The following PCSK5 variants were observed in gnomAD, a reference collection of about 807,000 sequenced individuals.
PCSK5 encodes the protein prohormone convertase 5.
PCSK5 carries 129 observed loss-of-function variants against 233.2 expected under a neutral mutation model. The ratio of observed to expected loss-of-function variants is 0.55; its 90% CI spans 0.48 to 0.64. The LOEUF (loss-of-function observed/expected upper bound fraction) is 0.64, where lower values mean the gene tolerates loss of function less well. Among genes scored for constraint, PCSK5 ranks in the 30% least tolerant of loss-of-function variants. PCSK5 has a pLI of 0.00. For synonymous variants in PCSK5, 825 were observed against 879.2 expected (o/e 0.94, Z 1.09); for missense variants, 2,076 against 2,430.1 (o/e 0.85, Z 3.06).
intron 5 of PCSK5, among the ~76,000 whole-genome samples, chr9:76,031,835 C>A (rs1428482318): frequency 6.6e-6 from 1 of 152,064 alleles, no homozygotes; most frequent in Non-Finnish European, 1.5e-5. Context: ...TGATAAATAA[C>A]TAGTTAAAAA....
chr9:76,038,968 A>T (rs1563987630), intron 5 of PCSK5, among the ~76,000 whole-genome samples: 1 of 152,152 alleles, frequency 6.6e-6, no homozygotes, highest in African/African-American at 2.4e-5. Context: ...TTTTAGTAGA[A>T]CCACATTCCA....
intron 23 of PCSK5, among the ~76,000 whole-genome samples, 165 bp from the exon 24 acceptor site, chr9:76,240,451 G>A (rs1425068844): frequency 6.6e-6 from 1 of 152,216 alleles, no homozygotes; most frequent in Admixed American, 6.5e-5. Context: ...AATAGAAGGA[G>A]ATTAAAAAGT....
At chr9:76,038,144 C>G (rs141792266) in intron 5 of PCSK5, among the ~76,000 whole-genome samples, 90 of 152,222 alleles carry the variant, frequency 5.9e-4, no homozygotes, top group Admixed American at 1.1e-3. Context: ...GGTTCATTCT[C>G]AAAGGATCAC....
intron 24 of PCSK5, among the ~76,000 whole-genome samples, chr9:76,289,605 C>T (rs1308871023): frequency 1.3e-5 from 2 of 151,572 alleles, no homozygotes; most frequent in Admixed American, 6.6e-5. Context: ...CATCTAAATG[C>T]CAAGCTGACT....
chr9:76,118,354 ATAC>A (rs959750340), intron 9 of PCSK5, among the ~76,000 whole-genome samples: 4 of 148,848 alleles, frequency 2.7e-5, no homozygotes, highest in African/African-American at 1.0e-4. Flanking sequence ...CTGATTATAT[ATAC>A]TGTTTTTGCA....
intron 5 of PCSK5, among the ~76,000 whole-genome samples, chr9:76,046,559 CTT>C (rs553542037): frequency 3.3e-4 from 35 of 104,814 alleles, no homozygotes; most frequent in African/African-American, 1.2e-3. Flanking sequence ...CTTTCTTTTT[CTT>C]TTTTTTTTTT....
chr9:76,221,010 A>G (rs1399216060), intron 20 of PCSK5, among the ~76,000 whole-genome samples: 53 of 152,224 alleles, frequency 3.5e-4, no homozygotes, highest in Non-Finnish European at 1.9e-4. Flanking sequence ...TAAACAACAT[A>G]GAAAATCCCT....
At chr9:76,123,383 T>A (rs1463482411) in intron 9 of PCSK5, among the ~76,000 whole-genome samples, 1 of 152,214 alleles carries the variant, frequency 6.6e-6, no homozygotes, top group East Asian at 1.9e-4. Flanking sequence ...TCATATTTTA[T>A]AGATAGTTGT....
At chr9:75,992,357 A>G (rs1826804860) in intron 3 of PCSK5, among the ~76,000 whole-genome samples, 1 of 152,238 alleles carries the variant, frequency 6.6e-6, no homozygotes, top group Non-Finnish European at 1.5e-5. Flanking sequence ...ATATTCGTAC[A>G]TGGAATTCAA....
chr9:76,121,024 A>G (rs975430453), intron 9 of PCSK5, among the ~76,000 whole-genome samples: 6 of 152,138 alleles, frequency 3.9e-5, no homozygotes, highest in African/African-American at 1.2e-4. Flanking sequence ...TATTATTTCT[A>G]TTACATTAAC....
chr9:76,014,457 T>C (rs757587488), intron 3 of PCSK5, among the ~76,000 whole-genome samples: 1 of 152,234 alleles, frequency 6.6e-6, no homozygotes, highest in Non-Finnish European at 1.5e-5. Context: ...TTGGCAAAAC[T>C]GAATTTCTTC....
intron 24 of PCSK5, among the ~76,000 whole-genome samples, chr9:76,269,136 C>T (rs1356310992): frequency 6.6e-6 from 1 of 152,218 alleles, no homozygotes; most frequent in Admixed American, 6.5e-5. Flanking sequence ...TTGCTGCATG[C>T]AGAACTCGAG....
intron 5 of PCSK5, among the ~76,000 whole-genome samples, chr9:76,042,547 AG>A (rs1317199990): frequency 6.6e-6 from 1 of 151,094 alleles, no homozygotes; most frequent in East Asian, 1.9e-4. Flanking sequence ...CCCAGCTACT[AG>A]GGGGGGCTGA....
At position 76,338,441 on chromosome 9, in the gene PCSK5, T is replaced by G. The variant is rs774608630; in HGVS notation, c.4960T>G (p.Cys1654Gly). The change falls in exon 35 of 38, where the codon TGC becomes GGC. Residue 1654 changes from cysteine (C) to glycine (G), a missense_variant. Coordinates refer to ENST00000674117, the MANE Select transcript of PCSK5 (RefSeq NM_001372043.1). ...GAGATGCCATCCGACTTGTGATCAA[T>G]GCAAAGGTGAGAGTCTACCTGTCAT... Reference protein sequence around the residue: ...CERCHPTCDQCKGKGALNCLS... With the variant: ...CERCHPTCDQGKGKGALNCLS... 1.2e-6 allele frequency: 2 copies of G among 1,607,178 alleles called. No homozygotes were observed. Among genetic ancestry groups the G allele is most frequent in the East Asian group, 2.2e-5 (1 of 44,838 alleles).
intron 9 of PCSK5, among the ~76,000 whole-genome samples, chr9:76,110,777 A>G (rs1832179593): frequency 6.6e-6 from 1 of 152,226 alleles, no homozygotes; most frequent in Non-Finnish European, 1.5e-5. Context: ...AAAAGTATCC[A>G]GATATCTTTT....
intron 1 of PCSK5, among the ~76,000 whole-genome samples, chr9:75,892,626 T>C (rs1825662788): frequency 1.3e-5 from 2 of 152,186 alleles, no homozygotes; most frequent in South Asian, 4.1e-4. Context: ...ACGGACAGTT[T>C]CTGAGGCCAT....
chr9:76,274,211 T>C (rs1275080286), intron 24 of PCSK5, among the ~76,000 whole-genome samples: 2 of 152,142 alleles, frequency 1.3e-5, no homozygotes, highest in African/African-American at 2.4e-5. Context: ...CTATGCCTAA[T>C]CTACTGTTTA....
intron 9 of PCSK5, among the ~76,000 whole-genome samples, chr9:76,111,466 T>C (rs1195433762): frequency 6.6e-6 from 1 of 152,158 alleles, no homozygotes; most frequent in Non-Finnish European, 1.5e-5. Context: ...TTATGGACGA[T>C]TTTAGAATAA....
intron 2 of PCSK5, among the ~76,000 whole-genome samples, chr9:75,955,838 C>T (rs1464703151): frequency 2.6e-5 from 4 of 151,996 alleles, no homozygotes; most frequent in African/African-American, 9.7e-5. Flanking sequence ...ATTCTAATAC[C>T]TAAGATTGTT....
Sources: gnomAD v4.1 joint callset for allele counts (sites outside exome capture counted in the v4.1 genomes callset) on GRCh38, gnomAD v4.1.1 for gene constraint, MANE v1.5 for transcripts, NCBI Gene and HGNC (gene_info 2026-07-23, HGNC 2026-07-21) for gene names.